Variants in OOEP observed in about 807,000 individuals in gnomAD.
OOEP encodes the protein oocyte-expressed protein homolog.
In OOEP, 16 loss-of-function variants were observed where a neutral mutation model predicts 13.7. The ratio of observed to expected loss-of-function variants is 1.16; its 90% CI spans 0.79 to 1.77. OOEP has a LOEUF of 1.77. Ranked by LOEUF, OOEP falls within the 40% of genes most tolerant of loss-of-function variation. The pLI, the probability that OOEP is intolerant of heterozygous loss-of-function variation, is 0.00. For synonymous variants in OOEP, 89 were observed against 77.1 expected (o/e 1.15, Z -0.81); for missense variants, 195 against 193.1 (o/e 1.01, Z -0.06).
chr6:73,395,117 G>C (rs1769438555), upstream of OOEP: 6 of 1,613,936 alleles, frequency 3.7e-6, no homozygotes, highest in Non-Finnish European at 5.1e-6. Context: ...CTGCCGCTGT[G>C]TTTTGCTTTG....
At chr6:73,371,427 A>G (rs1769052564), upstream of OOEP, among the ~76,000 whole-genome samples, 1 of 152,026 alleles carries the variant, frequency 6.6e-6, no homozygotes, top group South Asian at 2.1e-4. Context: ...ACATGGAGAA[A>G]ACCGGTCTCT....
chr6:73,373,614 G>A (rs561884708), upstream of OOEP, among the ~76,000 whole-genome samples: 11 of 152,100 alleles, frequency 7.2e-5, no homozygotes, highest in East Asian at 3.9e-4. Context: ...ATTTAGAGAC[G>A]GAGTTTTGCT....
intron 2 of OOEP, chr6:73,387,622 C>T (rs1034757322): frequency 7.2e-5 from 11 of 152,082 alleles, no homozygotes; most frequent in African/African-American, 2.7e-4. Context: ...GACGGAGTCT[C>T]ACTCTGTCTC....
Position 73,389,142 on chromosome 6 carries a change from A to T in OOEP, c.25+5204T>A, listed in dbSNP as rs144564515. ...CAGACCCGGGAGCTTTGAGGAAGCC[A>T]GAGGCTTCGGACAGAAGAAACCGCC... On this transcript the variant is annotated intron_variant, in intron 2 of 3. Coordinates refer to the OOEP transcript ENST00000370363. Among the ~76,000 whole-genome samples the T allele has an allele frequency of 6.0e-3, 914 of 152,290 alleles. 14 individuals are homozygous for T. Among genetic ancestry groups the T allele is most frequent in the African/African-American group, 0.021 (869 of 41,580 alleles).
chr6:73,390,491 C>G (rs927349399), intron 2 of OOEP, among the ~76,000 whole-genome samples: 9 of 151,978 alleles, frequency 5.9e-5, no homozygotes, highest in African/African-American at 2.2e-4. Context: ...ACCTGTAATA[C>G]CTAATACTAG....
At chr6:73,371,154 G>T (rs373461824), upstream of OOEP, among the ~76,000 whole-genome samples, 7 of 152,262 alleles carry the variant, frequency 4.6e-5, no homozygotes, top group East Asian at 5.8e-4. Flanking sequence ...GACTCCACAT[G>T]ATCATCTAGG....
At chr6:73,381,220 AAAAAAAAAGAAG>A (rs1312672040) in intron 2 of OOEP, among the ~76,000 whole-genome samples, 1 of 132,544 alleles carries the variant, frequency 7.5e-6, no homozygotes, top group Non-Finnish European at 1.7e-5. Flanking sequence ...AAAAAAAAAA[AAAAAAAAAGAAG>A]AAGAAAAAGA....
intron 2 of OOEP, chr6:73,387,854 C>G (rs1441073014): frequency 6.6e-6 from 1 of 152,170 alleles, no homozygotes; most frequent in Non-Finnish European, 1.5e-5. Flanking sequence ...GATGATAGTT[C>G]TGACAACATT....
At chr6:73,372,072 CACTCCTGCTTGGGTGACAGAGCGAG>C (rs1419953916), upstream of OOEP, among the ~76,000 whole-genome samples, 7 of 152,174 alleles carry the variant, frequency 4.6e-5, no homozygotes, top group African/African-American at 1.7e-4. Context: ...CACACCACTG[CACTCCTGCTTGGGTGACAGAGCGAG>C]ACCCTAAAAA....
chr6:73,378,753 A>G (rs1769164403), intron 2 of OOEP, among the ~76,000 whole-genome samples: 1 of 151,812 alleles, frequency 6.6e-6, no homozygotes, highest in Non-Finnish European at 1.5e-5. Context: ...GGTCCCAGCT[A>G]CTTGGGAGGC....
chr6:73,389,087 G>A (rs1053272972), intron 2 of OOEP, among the ~76,000 whole-genome samples: 1 of 152,140 alleles, frequency 6.6e-6, no homozygotes, highest in African/African-American at 2.4e-5. Flanking sequence ...GGGGAGCTAC[G>A]TCGAGACGGC....
chr6:73,369,441 A>G (rs895366352), intron 1 of OOEP, 56 bp from the exon 2 acceptor site: 2 of 1,560,838 alleles, frequency 1.3e-6, no homozygotes, highest in Non-Finnish European at 1.7e-6. Flanking sequence ...TAGAAGCTGG[A>G]TTTGAAGGGA....
intron 2 of OOEP, among the ~76,000 whole-genome samples, chr6:73,378,365 A>G (rs1769159743): frequency 6.6e-6 from 1 of 151,866 alleles, no homozygotes. Context: ...TCAGCCTCCC[A>G]AAATGCTGGG....
chr6:73,382,850 CT>C (rs765716551), intron 2 of OOEP, among the ~76,000 whole-genome samples: 2,563 of 102,216 alleles, frequency 0.025, 63 homozygotes, highest in Admixed American at 0.12. Context: ...TGGTTTTTAA[CT>C]TTTTTTTTTT....
intron 2 of OOEP, among the ~76,000 whole-genome samples, chr6:73,384,070 C>T (rs780063533): frequency 6.6e-6 from 1 of 151,992 alleles, no homozygotes; most frequent in Non-Finnish European, 1.5e-5. Context: ...CCCTCCAGCC[C>T]AGGCAACAGA....
chr6:73,376,927 C>A (rs548036884), intron 2 of OOEP, among the ~76,000 whole-genome samples: 2 of 152,210 alleles, frequency 1.3e-5, no homozygotes, highest in Non-Finnish European at 2.9e-5. Context: ...GCTGAGATTA[C>A]AGGCGTGAGC....
rs547667459 is a variant in OOEP, at chr6:73,368,762, T to C, written c.*22A>G. The stretch of plus-strand genomic sequence containing the variant: ...AGCAAAAGTTAGAAAGTTAAGATGT[T>C]CCCAACAGTAACTATGTTGTCTTAA... On this transcript the variant is annotated 3_prime_UTR_variant, in exon 3 of 3. Coordinates refer to ENST00000370359, the MANE Select transcript of OOEP (RefSeq NM_001080507.3). 1.7e-5 allele frequency: 26 copies of C among 1,533,566 alleles called. No individual in the cohort carries two copies. The African/African-American group carries it at 3.4e-4, about 20-fold the overall frequency. 95.0% of individuals were successfully genotyped at this position (1,533,566 alleles called of 1,614,324 possible).
intron 2 of OOEP, among the ~76,000 whole-genome samples, chr6:73,392,424 C>T (rs952515849): frequency 6.6e-6 from 1 of 152,058 alleles, no homozygotes; most frequent in African/African-American, 2.4e-5. Flanking sequence ...CTCACCTCAG[C>T]TTCTCAAGTA....
chr6:73,373,274 G>A (rs975849258), upstream of OOEP: 44 of 1,599,862 alleles, frequency 2.8e-5, no homozygotes, highest in East Asian at 4.5e-5. Context: ...GGCGAGCAGC[G>A]GAGTCAAGAA....
Sources: allele counts gnomAD v4.1 joint callset (sites outside exome capture counted in the v4.1 genomes callset), GRCh38; gene constraint gnomAD v4.1.1; transcripts MANE v1.5; gene names NCBI Gene and HGNC (gene_info 2026-07-23, HGNC 2026-07-21).